Variants in GPR4 observed in about 807,000 individuals in gnomAD.
GPR4 encodes G protein-coupled receptor 4, also known as G-prodeshotein coupled receptor 4.
GPR4 carries 11 observed loss-of-function variants against 17.8 expected under a neutral mutation model. That is an observed-to-expected ratio of 0.62 (90% CI 0.39 to 1.02). GPR4 has a LOEUF of 1.02. Among genes scored for constraint, GPR4 ranks in the 50% least tolerant of loss-of-function variants. The pLI, the probability that GPR4 is intolerant of heterozygous loss-of-function variation, is 0.00. For missense variants in GPR4, 364 were observed against 495.4 expected (o/e 0.73, Z 2.52); for synonymous variants, 219 against 222.8 (o/e 0.98, Z 0.15).
Position 45,590,979 on chromosome 19 carries a change from A to G in GPR4, c.888T>C (p.Asp296=), listed in dbSNP as rs371114196. ...YCLVNEGARS[D]VAKALHNLLR... Reference sequence around the variant, plus strand: ...GCAGGTTGTGCAGGGCCTTGGCCACATCGCTGCGGGCGCCCTCGTTGACCA... The same window carrying G: ...GCAGGTTGTGCAGGGCCTTGGCCACGTCGCTGCGGGCGCCCTCGTTGACCA... The change falls in exon 2 of 2, where the codon GAT becomes GAC. Residue 296 remains aspartate (D), a synonymous_variant. Coordinates refer to ENST00000323040, the MANE Select transcript of GPR4 (RefSeq NM_005282.3). 4.3e-6 allele frequency: 7 copies of G among 1,613,972 alleles called. No homozygotes were observed. In the South Asian group the frequency reaches 5.5e-5, roughly 13 times the overall value.
At chr19:45,598,495 T>TCACCCCTCCTCCCTCC (rs1437439107) in intron 1 of GPR4, among the ~76,000 whole-genome samples, 2 of 151,946 alleles carry the variant, frequency 1.3e-5, no homozygotes, top group Non-Finnish European at 2.9e-5. Context: ...GGTCCAGCTC[T>TCACCCCTCCTCCCTCC]CACCCCTCCT....
At chr19:45,596,193 T>C (rs1970056378) in intron 1 of GPR4, among the ~76,000 whole-genome samples, 1 of 148,024 alleles carries the variant, frequency 6.8e-6, no homozygotes, top group Non-Finnish European at 1.5e-5. Flanking sequence ...GATCTTTCTT[T>C]TCTTTTCTTC....
At chr19:45,596,136 G>A (rs1247695085) in intron 1 of GPR4, among the ~76,000 whole-genome samples, 1 of 152,024 alleles carries the variant, frequency 6.6e-6, no homozygotes, top group Admixed American at 6.6e-5. Context: ...TGCTTTTCTG[G>A]GCTACTCTGG....
intron 1 of GPR4, among the ~76,000 whole-genome samples, chr19:45,595,945 G>T (rs997907542): frequency 2.6e-5 from 4 of 152,126 alleles, no homozygotes; most frequent in African/African-American, 4.8e-5. Context: ...GAGAGGGGAC[G>T]GAAGGAGGTC....
Position 45,591,909 on chromosome 19 carries a change from G to A in GPR4, c.-43C>T, listed in dbSNP as rs1970001696. 1 of 1,523,060 alleles carries A rather than the reference G, an allele frequency of 6.6e-7. No individual in the cohort carries two copies. The highest frequency in any genetic ancestry group is 1.3e-5 in the South Asian group (1 of 77,044). The allele number at this position is 1,523,060 out of a possible 1,614,324, so 94.3% of individuals were successfully genotyped here. A position where few individuals can be genotyped will look rare whatever the true frequency, so the allele number is the denominator to read the frequency against. On this transcript the variant is annotated 5_prime_UTR_variant, in exon 2 of 2. Coordinates refer to ENST00000323040, the MANE Select transcript of GPR4 (RefSeq NM_005282.3). The surrounding 1 kb of genome is among the most constrained non-coding windows in gnomAD (Gnocchi z 7.6). The stretch of plus-strand genomic sequence containing the variant: ...CTGGGGCGCTTCCCCTGGCCCACGG[G>A]GGCTGTGGGGCCACAGGGAGCGGGA...
intron 1 of GPR4, among the ~76,000 whole-genome samples, chr19:45,600,322 G>C (rs543690952): frequency 6.6e-6 from 1 of 152,194 alleles, no homozygotes; most frequent in Non-Finnish European, 1.5e-5. Context: ...CCGAGGGAAC[G>C]GTGGGCTCCA....
chr19:45,594,421 C>CAAA (rs11284570), intron 1 of GPR4, among the ~76,000 whole-genome samples: 100 of 75,744 alleles, frequency 1.3e-3, no homozygotes, highest in African/African-American at 4.4e-3. Context: ...GACTCCGTCT[C>CAAA]AAAAAAAAAA....
Position 45,589,961 on chromosome 19 carries a change from C to T in GPR4, c.*817G>A, listed in dbSNP as rs965981239. The T allele has an allele frequency of 2.0e-5, 3 of 152,314 alleles. No individual in the cohort carries two copies. The highest frequency in any genetic ancestry group is 7.2e-5 in the African/African-American group (3 of 41,438). The allele number at this position is 152,314 out of a possible 1,614,324, so 9.4% of individuals were successfully genotyped here. A position where few individuals can be genotyped will look rare whatever the true frequency, so the allele number is the denominator to read the frequency against. On this transcript the variant is annotated 3_prime_UTR_variant, in exon 2 of 2. Coordinates refer to ENST00000323040, the MANE Select transcript of GPR4 (RefSeq NM_005282.3). ...CTTCTTCCCAAACCTTCTGGCATCA[C>T]TCCTCCAGGCAGTCTGCCCTGATTG...
In GPR4 at chr19:45,594,084, ATAT is replaced by A. The variant is rs1373820938; in HGVS notation, c.-831-1390_-831-1388del. Among the ~76,000 whole-genome samples, 6 of 129,060 alleles carry A rather than the reference ATAT, an allele frequency of 4.6e-5. No homozygotes were observed. The East Asian group carries it at 1.3e-3, about 27-fold the overall frequency. 84.7% of individuals were successfully genotyped at this position (129,060 alleles called of 152,430 possible). A position where few individuals can be genotyped will look rare whatever the true frequency, so the allele number is the denominator to read the frequency against. The stretch of plus-strand genomic sequence containing the variant: ...AAAAAATATATATATATATATATAT[ATAT>A]ATATATAAAATAGATGCAGGTCTTC... On this transcript the variant is annotated intron_variant, in intron 1 of 1. Transcript: ENST00000323040.
chr19:45,593,197 CAAAAAAAAA>C (rs752605944), intron 1 of GPR4, among the ~76,000 whole-genome samples: 1 of 57,006 alleles, frequency 1.8e-5, no homozygotes, highest in Admixed American at 2.2e-4. Context: ...GACCCTGTCT[CAAAAAAAAA>C]AAAAAAAAAA....
chr19:45,594,063 A>AATATATATATATAT (rs1186316579), intron 1 of GPR4, among the ~76,000 whole-genome samples: 1 of 36,244 alleles, frequency 2.8e-5, no homozygotes, highest in Non-Finnish European at 4.6e-5. Context: ...AAAAAAAAAA[A>AATATATATATATAT]ATATATATAT....
At chr19:45,592,846 AAC>A (rs1472695726) in intron 1 of GPR4, 149 bp from the exon 2 acceptor site, 10 of 154,478 alleles carry the variant, frequency 6.5e-5, no homozygotes, top group Non-Finnish European at 8.8e-5. Context: ...ACTCTCTGAA[AAC>A]ACAGATTTGA....
intron 1 of GPR4, among the ~76,000 whole-genome samples, chr19:45,600,458 G>A (rs1335210822): frequency 6.6e-6 from 1 of 151,922 alleles, no homozygotes; most frequent in Non-Finnish European, 1.5e-5. Flanking sequence ...CCACCACCAT[G>A]GTTTTGGAAA....
At chr19:45,598,565 G>A (rs1051544535) in intron 1 of GPR4, among the ~76,000 whole-genome samples, 2 of 152,116 alleles carry the variant, frequency 1.3e-5, no homozygotes, top group African/African-American at 4.8e-5. Context: ...ATGGGGGGGA[G>A]GGGTGCCCAG....
Position 45,591,042 on chromosome 19 carries a change from G to C in GPR4, c.825C>G (p.Thr275=). 2 of 1,614,042 alleles carry C rather than the reference G, an allele frequency of 1.2e-6. No individual in the cohort carries two copies. Among genetic ancestry groups the C allele is most frequent in the Non-Finnish European group, 1.7e-6 (2 of 1,180,046 alleles). Residue 275 remains threonine, a synonymous_variant, in exon 2 of 2, where the codon ACC becomes ACG. Coordinates refer to ENST00000323040, the MANE Select transcript of GPR4 (RefSeq NM_005282.3). This position sits in a 1 kb window ranked among gnomAD's most constrained non-coding sequence, Gnocchi z 7.6. The stretch of plus-strand genomic sequence containing the variant: ...TGGGGTCCGCCACACAGTTGAGGCT[G>C]GTGAAAGCCAGTGAGCTGTGGTATG... ...FSAYHSSLAF[T]SLNCVADPIL...
chr19:45,589,904 A>C lies in GPR4; in HGVS notation c.*874T>G, dbSNP rs1466668740. On this transcript the variant is annotated 3_prime_UTR_variant, in exon 2 of 2. Coordinates refer to ENST00000323040, the MANE Select transcript of GPR4 (RefSeq NM_005282.3). The stretch of plus-strand genomic sequence containing the variant: ...CCCTACATAAACCTCTGTTGAATGA[A>C]TGAATAAATACCCTTTCTTCTTGTC... 6.6e-6 allele frequency: 1 copy of C among 152,364 alleles called. No homozygotes were observed. Among genetic ancestry groups the C allele is most frequent in the Admixed American group, 6.5e-5 (1 of 15,290 alleles). 9.4% of individuals were successfully genotyped at this position (152,364 alleles called of 1,614,324 possible). A position where few individuals can be genotyped will look rare whatever the true frequency, so the allele number is the denominator to read the frequency against.
chr19:45,598,121 C>T (rs900249843), intron 1 of GPR4, among the ~76,000 whole-genome samples: 9 of 152,248 alleles, frequency 5.9e-5, no homozygotes, highest in South Asian at 4.1e-4. Context: ...CTCCCTTCCT[C>T]CTGTGACATT....
Position 45,591,792 on chromosome 19 carries a change from G to T in GPR4, c.75C>A (p.Ile25=). The change falls in exon 2 of 2, where the codon ATC becomes ATA. Residue 25 remains isoleucine, a synonymous_variant. Transcript: ENST00000323040. The surrounding 1 kb of genome is among the most constrained non-coding windows in gnomAD (Gnocchi z 7.6). The part of the protein sequence containing the change: ...VDHLFPPSLY[I]FVIGVGLPTN... Reference sequence around the variant, plus strand: ...TGGGCAGCCCCACGCCGATGACAAAGATGTAGAGGGATGGCGGAAAGAGGT... The same window carrying T: ...TGGGCAGCCCCACGCCGATGACAAATATGTAGAGGGATGGCGGAAAGAGGT... 1 of 1,609,474 alleles carries T rather than the reference G, an allele frequency of 6.2e-7. No individual in the cohort carries two copies. Among genetic ancestry groups the T allele is most frequent in the Non-Finnish European group, 8.5e-7 (1 of 1,177,086 alleles).
In GPR4 at chr19:45,592,108, G is replaced by A; in HGVS notation, c.-242C>T. 2.1e-6 allele frequency: 1 copy of A among 473,520 alleles called. No homozygotes were observed. Among genetic ancestry groups the A allele is most frequent in the Non-Finnish European group, 3.9e-6 (1 of 258,564 alleles). 29.3% of individuals were successfully genotyped at this position (473,520 alleles called of 1,614,324 possible). ...TGACAGGAGGGAAGTCTGGAGGATGGTGAGATTAATAAAGAGGTTTTTCAA... is the reference window on the plus strand; with the variant it reads ...TGACAGGAGGGAAGTCTGGAGGATGATGAGATTAATAAAGAGGTTTTTCAA... On this transcript the variant is annotated 5_prime_UTR_variant, in exon 2 of 2. Coordinates refer to ENST00000323040, the MANE Select transcript of GPR4 (RefSeq NM_005282.3).
Sources: allele counts gnomAD v4.1 joint callset (sites outside exome capture counted in the v4.1 genomes callset), GRCh38; gene constraint gnomAD v4.1.1; non-coding constraint Gnocchi (gnomAD v3.1); transcripts MANE v1.5; gene names NCBI Gene and HGNC (gene_info 2026-07-23, HGNC 2026-07-21).